The following TENM2 variants were observed in gnomAD, a reference collection of about 807,000 sequenced individuals.
TENM2 encodes the protein teneurin transmembrane protein 2.
Under a neutral mutation model 245.2 loss-of-function variants are expected in TENM2, and 52 were observed. That is an observed-to-expected ratio of 0.21 (90% CI 0.17 to 0.27). The LOEUF (loss-of-function observed/expected upper bound fraction) is 0.27. TENM2 is among the 10% of genes least tolerant of loss of function. The pLI is 1.00. For synonymous variants in TENM2, 1,363 were observed against 1,438.9 expected, an observed-to-expected ratio of 0.95 and a Z score of 1.19; for missense variants, 3,046 against 3,666.8, an observed-to-expected ratio of 0.83 and a Z score of 4.37.
chr5:167,993,097 C>T, exon 5 of TENM2: 4 of 1,614,050 alleles, frequency 2.5e-6, no homozygotes, highest in Non-Finnish European at 3.4e-6. Flanking sequence ...TGAAGAAGCC[C>T]TCCAAATACT....
chr5:167,002,055 A>G, the TENM2 span, among the ~76,000 whole-genome samples: 2 of 152,192 alleles, frequency 1.3e-5, no homozygotes, highest in African/African-American at 4.8e-5. Context: ...TAAAATGACA[A>G]GGGATATTTT....
At chr5:167,984,922 C>T (rs1171973926) in intron 4 of TENM2, among the ~76,000 whole-genome samples, 2 of 152,132 alleles carry the variant, frequency 1.3e-5, no homozygotes, top group Admixed American at 6.5e-5. Context: ...TTGCCTCAAC[C>T]AGCACCATTC....
chr5:167,763,882 T>C (rs1292526143), intron 2 of TENM2, among the ~76,000 whole-genome samples: 1 of 152,200 alleles, frequency 6.6e-6, no homozygotes, highest in Non-Finnish European at 1.5e-5. Flanking sequence ...TTTGATTTTT[T>C]CAACTTTAGC....
At chr5:167,976,222 G>A (rs927302800) in intron 4 of TENM2, among the ~76,000 whole-genome samples, 1 of 151,964 alleles carries the variant, frequency 6.6e-6, no homozygotes. Context: ...TTGGTTGGTT[G>A]GTTGTTTTTT....
At chr5:167,519,195 T>C (rs956409600) in intron 2 of TENM2, among the ~76,000 whole-genome samples, 2 of 151,994 alleles carry the variant, frequency 1.3e-5, no homozygotes, top group African/African-American at 4.8e-5. Context: ...TCTCATGGAG[T>C]CATATGCTTA....
chr5:167,616,211 G>C (rs562499714), intron 2 of TENM2, among the ~76,000 whole-genome samples: 39 of 152,248 alleles, frequency 2.6e-4, no homozygotes, highest in African/African-American at 9.4e-4. Context: ...TCCAGAACTA[G>C]AAGTCCTATA....
chr5:168,175,230 T>A (rs2152478551), intron 13 of TENM2, among the ~76,000 whole-genome samples: 1 of 152,344 alleles, frequency 6.6e-6, no homozygotes, highest in South Asian at 2.1e-4. Flanking sequence ...CCCCTTTACT[T>A]AAATGGCTGC....
At chr5:167,330,340 A>G (rs1431694134) in intron 1 of TENM2, among the ~76,000 whole-genome samples, 2 of 152,160 alleles carry the variant, frequency 1.3e-5, no homozygotes, top group Non-Finnish European at 2.9e-5. Context: ...TAGAGAAGGT[A>G]TTCTGTTTAC....
chr5:167,115,650 A>C, the TENM2 span, among the ~76,000 whole-genome samples: 7 of 152,248 alleles, frequency 4.6e-5, no homozygotes, highest in African/African-American at 1.7e-4. Context: ...ATTCTGTTAC[A>C]ATAAGAACAT....
chr5:167,746,427 C>T (rs1374352083), intron 2 of TENM2, among the ~76,000 whole-genome samples: 5 of 151,878 alleles, frequency 3.3e-5, no homozygotes, highest in Non-Finnish European at 7.4e-5. Flanking sequence ...TGCTTTATGC[C>T]TAGAACCAAG....
At chr5:167,269,741 CT>C in the TENM2 span, among the ~76,000 whole-genome samples, 1 of 152,124 alleles carries the variant, frequency 6.6e-6, no homozygotes, top group Admixed American at 6.6e-5. Context: ...GGATATGCCT[CT>C]TTTACATTCT....
chr5:167,123,261 G>A, the TENM2 span, among the ~76,000 whole-genome samples: 3 of 152,150 alleles, frequency 2.0e-5, no homozygotes, highest in Non-Finnish European at 4.4e-5. Flanking sequence ...CAGAGGTTGC[G>A]GTGAGCCAAG....
chr5:167,951,078 T>C (rs1037939609), intron 3 of TENM2, among the ~76,000 whole-genome samples: 5 of 152,234 alleles, frequency 3.3e-5, no homozygotes, highest in East Asian at 3.8e-4. Flanking sequence ...TTGGTCAGGA[T>C]GCTCTCCAAA....
chr5:167,502,653 A>T (rs1291616264), intron 2 of TENM2, among the ~76,000 whole-genome samples: 1 of 152,154 alleles, frequency 6.6e-6, no homozygotes, highest in East Asian at 1.9e-4. Flanking sequence ...CTTCTTTCTA[A>T]GGTGTCTAAG....
intron 1 of TENM2, among the ~76,000 whole-genome samples, chr5:167,318,038 G>A (rs749778689): frequency 1.3e-5 from 2 of 152,134 alleles, no homozygotes; most frequent in Non-Finnish European, 2.9e-5. Context: ...AAGTGGAATC[G>A]GGCATGACAC....
At chr5:167,825,163 T>C (rs1274708672) in intron 2 of TENM2, among the ~76,000 whole-genome samples, 2 of 152,194 alleles carry the variant, frequency 1.3e-5, no homozygotes, top group African/African-American at 2.4e-5. Context: ...TTCCTTCGTA[T>C]AGTCAAAGCT....
intron 2 of TENM2, among the ~76,000 whole-genome samples, chr5:167,738,264 A>G (rs912793235): frequency 2.0e-5 from 3 of 152,168 alleles, no homozygotes; most frequent in Admixed American, 1.3e-4. Flanking sequence ...ATAAGAGCGT[A>G]GCATTGGGGG....
At chr5:167,462,113 G>A (rs987574231) in intron 2 of TENM2, among the ~76,000 whole-genome samples, 1 of 148,154 alleles carries the variant, frequency 6.7e-6, no homozygotes, top group Non-Finnish European at 1.5e-5. Flanking sequence ...ATACACACAT[G>A]CACAAACCTC....
chr5:168,218,737 A>G lies in TENM2; in HGVS notation c.4846A>G (p.Asn1616Asp). The G allele has an allele frequency of 6.2e-7, 1 of 1,614,036 alleles. No individual in the cohort carries two copies. Among genetic ancestry groups the G allele is most frequent in the Non-Finnish European group, 8.5e-7 (1 of 1,179,900 alleles). ...CCTGGTGACAGGGGAGTACTTGTAC[A>G]ATTTCACATATAGTACTGACAATGA... Residue 1616 changes from asparagine (N) to aspartate (D), a missense_variant, in exon 23 of 29, where the codon AAT becomes GAT. Around this residue, in one of 2 missense-constraint regions of TENM2, gnomAD observed 2,704 missense variants for 3,331.9 expected, o/e 0.81. Coordinates refer to ENST00000518659, the Ensembl canonical transcript of TENM2. The surrounding 1 kb of genome is among the most constrained non-coding windows in gnomAD (Gnocchi z 5.2).
Sources: allele counts gnomAD v4.1 joint callset (sites outside exome capture counted in the v4.1 genomes callset), GRCh38; gene constraint gnomAD v4.1.1; regional missense constraint gnomAD v4.1.1; non-coding constraint Gnocchi (gnomAD v3.1); transcripts MANE v1.5; gene names NCBI Gene and HGNC (gene_info 2026-07-23, HGNC 2026-07-21).